The following CLHC1 variants were observed in gnomAD, a reference collection of about 807,000 sequenced individuals.
CLHC1 encodes clathrin heavy chain linker domain-containing protein 1.
Under a neutral mutation model 69.5 loss-of-function variants are expected in CLHC1, and 72 were observed. That is an observed-to-expected ratio of 1.04 (90% CI 0.86 to 1.26). CLHC1 has a LOEUF of 1.26. Among genes scored for constraint, CLHC1 ranks in the 50% most tolerant of loss-of-function variants. The pLI is 0.00. For synonymous variants in CLHC1, 223 were observed against 224.3 expected (o/e 0.99, Z 0.05); for missense variants, 790 against 679.3 (o/e 1.16, Z -1.81).
intron 11 of CLHC1, 92 bp from the exon 12 acceptor site, chr2:55,177,873 A>G: frequency 1.1e-6 from 1 of 906,892 alleles, no homozygotes; most frequent in Non-Finnish European, 1.6e-6. Context: ...CCTGCCAATC[A>G]ACAGTTTTTC....
At chr2:55,191,420 G>T (rs1558464556) in intron 9 of CLHC1, among the ~76,000 whole-genome samples, 1 of 152,106 alleles carries the variant, frequency 6.6e-6, no homozygotes, top group South Asian at 2.1e-4. Context: ...ATTTTTAGTA[G>T]AGACGGGGTT....
intron 9 of CLHC1, among the ~76,000 whole-genome samples, chr2:55,200,492 A>G (rs1671849206): frequency 6.6e-6 from 1 of 152,192 alleles, no homozygotes; most frequent in Admixed American, 6.5e-5. Flanking sequence ...AATTGTAAAT[A>G]TATATGCCCC....
At chr2:55,209,945 A>C (rs1672823859) in intron 5 of CLHC1, 114 bp from the exon 6 acceptor site, 3 of 661,240 alleles carry the variant, frequency 4.5e-6, no homozygotes, top group Non-Finnish European at 7.8e-6. Flanking sequence ...TAGAAATGAT[A>C]GTATGTACTT....
At chr2:55,176,650 T>C (rs1006818105) in intron 12 of CLHC1, among the ~76,000 whole-genome samples, 7 of 152,220 alleles carry the variant, frequency 4.6e-5, no homozygotes, top group African/African-American at 1.7e-4. Flanking sequence ...GCATTACTTA[T>C]GGTACTTCAT....
chr2:55,185,490 T>G (rs1414102636), intron 9 of CLHC1, among the ~76,000 whole-genome samples: 1 of 152,228 alleles, frequency 6.6e-6, no homozygotes, highest in Non-Finnish European at 1.5e-5. Flanking sequence ...ATGCCTTTTT[T>G]GAATTTCCAG....
intron 11 of CLHC1, among the ~76,000 whole-genome samples, chr2:55,178,096 A>G (rs56219595): frequency 0.07 from 10,703 of 152,264 alleles, 1,208 homozygotes; most frequent in African/African-American, 0.24. Flanking sequence ...TTCTAATCAT[A>G]GCTCCATCAG....
At chr2:55,223,489 G>T (rs993958855) in intron 2 of CLHC1, among the ~76,000 whole-genome samples, 1 of 152,116 alleles carries the variant, frequency 6.6e-6, no homozygotes, top group South Asian at 2.1e-4. Context: ...CCCGCTCGCC[G>T]GGACTGAGTT....
Position 55,172,668 on chromosome 2 carries a change from A to T in CLHC1, c.*3122T>A, listed in dbSNP as rs1669054008. ...ATTTTTTTCTGAGAAAGAATGGAAGAAATGTATGAGCTTTCTATGAAATGT... is the reference window on the plus strand; with the variant it reads ...ATTTTTTTCTGAGAAAGAATGGAAGTAATGTATGAGCTTTCTATGAAATGT... On this transcript the variant is annotated 3_prime_UTR_variant, in exon 13 of 13. Transcript: ENST00000401408. Among the ~76,000 whole-genome samples the T allele has an allele frequency of 6.6e-6, 1 of 150,668 alleles. No individual in the cohort carries two copies. The highest frequency in any genetic ancestry group is 2.4e-5 in the African/African-American group (1 of 40,878).
intron 9 of CLHC1, among the ~76,000 whole-genome samples, chr2:55,182,755 A>G (rs187145706): frequency 1.3e-5 from 2 of 152,272 alleles, no homozygotes; most frequent in East Asian, 3.9e-4. Flanking sequence ...CATGTTCCTT[A>G]AGGGTGAAGG....
At chr2:55,179,544 C>A (rs1387990841) in intron 11 of CLHC1, among the ~76,000 whole-genome samples, 4 of 152,120 alleles carry the variant, frequency 2.6e-5, no homozygotes, top group African/African-American at 9.6e-5. Context: ...CTCCTTTTTC[C>A]TGGAATAATG....
intron 9 of CLHC1, among the ~76,000 whole-genome samples, chr2:55,186,201 TC>T (rs903325084): frequency 6.6e-6 from 1 of 152,202 alleles, no homozygotes; most frequent in African/African-American, 2.4e-5. Context: ...TTAACAAAGA[TC>T]AGCTTCAGGC....
intron 9 of CLHC1, among the ~76,000 whole-genome samples, chr2:55,187,153 C>A (rs1040311787): frequency 2.6e-5 from 4 of 151,898 alleles, no homozygotes; most frequent in African/African-American, 7.3e-5. Flanking sequence ...GGCATGGTGG[C>A]ATGCACCTGT....
intron 9 of CLHC1, among the ~76,000 whole-genome samples, chr2:55,195,448 G>A (rs966323553): frequency 6.6e-6 from 1 of 152,220 alleles, no homozygotes; most frequent in Non-Finnish European, 1.5e-5. Flanking sequence ...CAGGAAGGCA[G>A]AGCAAGATGA....
chr2:55,205,940 T>C (rs1437884312), intron 9 of CLHC1, among the ~76,000 whole-genome samples: 1 of 152,156 alleles, frequency 6.6e-6, no homozygotes, highest in South Asian at 2.1e-4. Flanking sequence ...TATGTACAAT[T>C]TGTTGTATTA....
Position 55,217,769 on chromosome 2 carries a change from G to A in CLHC1, c.365+42C>T, listed in dbSNP as rs115486974. On this transcript the variant is annotated intron_variant, in intron 4 of 12. Transcript: ENST00000401408. ...TACACTGGCTAGTTATTATAATCAA[G>A]CAACAACTACCATCTTTTGGGCTAG... 4,052 of 1,295,928 alleles carry A rather than the reference G, an allele frequency of 3.1e-3. 116 individuals carry two copies. In the African/African-American group the frequency reaches 0.056, roughly 18 times the overall value. 80.3% of individuals were successfully genotyped at this position (1,295,928 alleles called of 1,614,324 possible).
Position 55,175,871 on chromosome 2 carries a change from A to G in CLHC1, c.1680T>C (p.Ser560=), listed in dbSNP as rs1052705821. 6.2e-7 allele frequency: 1 copy of G among 1,613,938 alleles called. No individual in the cohort carries two copies. Among genetic ancestry groups the G allele is most frequent in the African/African-American group, 1.3e-5 (1 of 74,946 alleles). The stretch of plus-strand genomic sequence containing the variant: ...TAACTGCAGCCTGAGATCGAAGAAT[A>G]GACGTGATGTCATTAGATAATTTGT... ...GFDKLSNDIT[S]ILRSQAAVTE... is the part of the protein sequence containing the mutation. The change falls in exon 13 of 13, where the codon TCT becomes TCC. Residue 560 remains serine, a synonymous_variant. Coordinates refer to ENST00000401408, the MANE Select transcript of CLHC1 (RefSeq NM_152385.4).
intron 9 of CLHC1, among the ~76,000 whole-genome samples, chr2:55,184,764 G>T (rs1001194600): frequency 2.0e-5 from 3 of 151,888 alleles, no homozygotes; most frequent in African/African-American, 4.8e-5. Context: ...AATTAGCCAG[G>T]TGTGGTGGCA....
chr2:55,220,623 C>T (rs1251210992), intron 3 of CLHC1, among the ~76,000 whole-genome samples: 1 of 152,136 alleles, frequency 6.6e-6, no homozygotes, highest in Non-Finnish European at 1.5e-5. Flanking sequence ...AATTTACCAA[C>T]AATACCTCCA....
At chr2:55,195,161 G>C (rs979816225) in intron 9 of CLHC1, among the ~76,000 whole-genome samples, 3 of 152,030 alleles carry the variant, frequency 2.0e-5, no homozygotes, top group African/African-American at 7.3e-5. Context: ...CTCAAACTTA[G>C]TATCCTCTGA....
Sources: gnomAD v4.1 joint callset for allele counts (sites outside exome capture counted in the v4.1 genomes callset) on GRCh38, gnomAD v4.1.1 for gene constraint, MANE v1.5 for transcripts, NCBI Gene and HGNC (gene_info 2026-07-23, HGNC 2026-07-21) for gene names.